The following PAM variants were observed in gnomAD, a reference collection of about 807,000 sequenced individuals.
PAM encodes peptidylglycine alpha-amidating monooxygenase, also known as peptidyl-glycine alpha-amidating monooxygenase.
A neutral mutation model predicts 122.1 loss-of-function variants in PAM; 72 were observed. The ratio of observed to expected loss-of-function variants is 0.59; its 90% CI spans 0.49 to 0.72. The LOEUF (loss-of-function observed/expected upper bound fraction) is 0.72, where lower values mean the gene tolerates loss of function less well. Ranked by LOEUF, PAM falls within the 30% of genes least tolerant of loss-of-function variation. PAM has a pLI of 0.00. For missense variants in PAM, 1,106 were observed against 1,183.7 expected (o/e 0.93, Z 0.96); for synonymous variants, 389 against 404.4 (o/e 0.96, Z 0.46).
intron 1 of PAM, among the ~76,000 whole-genome samples, chr5:102,859,335 AGT>A (rs57728525): frequency 0.15 from 21,669 of 141,904 alleles, 2,236 homozygotes; most frequent in African/African-American, 0.3. Flanking sequence ...GGCCCAGGCT[AGT>A]GTGTGTGTGT....
chr5:102,931,466 G>A (rs1246016114), intron 7 of PAM, among the ~76,000 whole-genome samples: 2 of 152,102 alleles, frequency 1.3e-5, no homozygotes, highest in South Asian at 2.1e-4. Flanking sequence ...ATCTTGTTCC[G>A]AAGTGAAAAT....
At chr5:102,771,756 G>T (rs1755837651) in intron 1 of PAM, among the ~76,000 whole-genome samples, 1 of 152,130 alleles carries the variant, frequency 6.6e-6, no homozygotes, top group South Asian at 2.1e-4. Context: ...TTTATAGAGA[G>T]AAGTCCAGTG....
chr5:102,956,856 T>G (rs940877070), intron 12 of PAM, among the ~76,000 whole-genome samples: 2 of 152,126 alleles, frequency 1.3e-5, no homozygotes, highest in African/African-American at 4.8e-5. Flanking sequence ...AATTTTTACT[T>G]TTAGTACAAT....
In PAM at chr5:102,979,918, A is replaced by G. The variant is rs189027593; in HGVS notation, c.1483+5482A>G. Among the ~76,000 whole-genome samples, 15 of 152,094 alleles carry G rather than the reference A, an allele frequency of 9.9e-5. No individual in the cohort carries two copies. In the East Asian group the frequency reaches 1.7e-3, roughly 18 times the overall value. On this transcript the variant is annotated intron_variant, in intron 15 of 25. Coordinates refer to ENST00000438793, the MANE Select transcript of PAM (RefSeq NM_001177306.2). ...GATTCTTTATAGAATAATATAATTT[A>G]TTTATCATAAAAAGTGTTATATGTC...
intron 3 of PAM, among the ~76,000 whole-genome samples, chr5:102,899,981 C>G (rs534664298): frequency 2.4e-4 from 37 of 151,610 alleles, no homozygotes; most frequent in South Asian, 4.2e-4. Context: ...GGACTGAGAG[C>G]TGTGCGGTTA....
intron 14 of PAM, among the ~76,000 whole-genome samples, chr5:102,971,390 C>A (rs1315816548): frequency 1.3e-5 from 2 of 152,036 alleles, no homozygotes; most frequent in East Asian, 3.9e-4. Context: ...CTTAAAGGCA[C>A]AAAGTAGAAT....
At chr5:102,790,173 C>T (rs1761684072) in intron 1 of PAM, among the ~76,000 whole-genome samples, 1 of 152,064 alleles carries the variant, frequency 6.6e-6, no homozygotes, top group Admixed American at 6.5e-5. Flanking sequence ...AGTCTGCTTA[C>T]ATGCTCAGTG....
intron 1 of PAM, among the ~76,000 whole-genome samples, chr5:102,758,041 CAAAAAAAAA>C (rs3072349): frequency 1.1e-5 from 1 of 94,648 alleles, no homozygotes; most frequent in Non-Finnish European, 2.2e-5. Context: ...GGCCCTGTCT[CAAAAAAAAA>C]AAAAAAAAAG....
At chr5:102,870,788 A>G (rs2151001505) in intron 3 of PAM, among the ~76,000 whole-genome samples, 1 of 152,306 alleles carries the variant, frequency 6.6e-6, no homozygotes, top group African/African-American at 2.4e-5. Flanking sequence ...CTGGTGTTCC[A>G]TGGCACTGGC....
intron 13 of PAM, among the ~76,000 whole-genome samples, chr5:102,960,588 C>G (rs1762158874): frequency 6.6e-6 from 1 of 151,772 alleles, no homozygotes; most frequent in South Asian, 2.1e-4. Flanking sequence ...ATATATAGTT[C>G]CTCTGCAAAA....
At chr5:102,849,433 C>G (rs528417377) in intron 1 of PAM, among the ~76,000 whole-genome samples, 1 of 151,832 alleles carries the variant, frequency 6.6e-6, no homozygotes, top group East Asian at 1.9e-4. Context: ...TGGCATGCAC[C>G]TGTAGTCCCA....
intron 1 of PAM, among the ~76,000 whole-genome samples, chr5:102,831,998 G>A (rs1775619250): frequency 6.6e-6 from 1 of 151,808 alleles, no homozygotes; most frequent in African/African-American, 2.4e-5. Context: ...TGGTATCAAA[G>A]TTTTATCTTC....
At chr5:102,925,096 C>A in intron 6 of PAM, 54 bp downstream of exon 6, 2 of 888,564 alleles carry the variant, frequency 2.3e-6, no homozygotes, top group South Asian at 1.3e-5. Flanking sequence ...TTTCTGTTTC[C>A]AAAGTACTTT....
intron 1 of PAM, among the ~76,000 whole-genome samples, chr5:102,799,831 TTTCTC>T (rs1764235197): frequency 6.6e-6 from 1 of 152,184 alleles, no homozygotes; most frequent in African/African-American, 2.4e-5. Flanking sequence ...CTACCCGTCT[TTTCTC>T]TTCTTTCTAT....
At chr5:102,887,846 T>C (rs1283086086) in intron 3 of PAM, among the ~76,000 whole-genome samples, 7 of 152,034 alleles carry the variant, frequency 4.6e-5, no homozygotes, top group Admixed American at 1.3e-4. Flanking sequence ...TTTAACCTGG[T>C]AAATACCTTC....
intron 5 of PAM, among the ~76,000 whole-genome samples, chr5:102,915,500 A>G (rs1277899966): frequency 6.6e-6 from 1 of 152,106 alleles, no homozygotes; most frequent in South Asian, 2.1e-4. Context: ...AATACCCTTC[A>G]ATATCAACAT....
chr5:102,840,541 G>C (rs1484073479), intron 1 of PAM, among the ~76,000 whole-genome samples: 1 of 151,884 alleles, frequency 6.6e-6, no homozygotes, highest in African/African-American at 2.4e-5. Flanking sequence ...ATATAATTTG[G>C]GATTGAGTTT....
chr5:102,848,049 A>G (rs1192913880), intron 1 of PAM, among the ~76,000 whole-genome samples: 1 of 152,198 alleles, frequency 6.6e-6, no homozygotes, highest in African/African-American at 2.4e-5. Context: ...AATATATAGA[A>G]TGATCTTCTG....
chr5:102,783,165 G>C (rs1759513380), intron 1 of PAM, among the ~76,000 whole-genome samples: 1 of 150,974 alleles, frequency 6.6e-6, no homozygotes, highest in Admixed American at 6.6e-5. Flanking sequence ...GTCATGACCA[G>C]GATCAGCTAC....
Sources: allele counts gnomAD v4.1 joint callset (sites outside exome capture counted in the v4.1 genomes callset), GRCh38; gene constraint gnomAD v4.1.1; transcripts MANE v1.5; gene names NCBI Gene and HGNC (gene_info 2026-07-23, HGNC 2026-07-21).